Variants in ATF6 observed in about 807,000 individuals in gnomAD.
The protein encoded by ATF6 is activating transcription factor 6, also known as cyclic AMP-dependent transcription factor ATF-6 alpha.
Under a neutral mutation model 83.6 loss-of-function variants are expected in ATF6, and 53 were observed. That is an observed-to-expected ratio of 0.63 (90% CI 0.51 to 0.80). The LOEUF is 0.80. Ranked by LOEUF, ATF6 falls within the 30% of genes least tolerant of loss-of-function variation. ATF6 has a pLI of 0.00. For missense variants in ATF6, 744 were observed against 797.9 expected, an observed-to-expected ratio of 0.93 and a Z score of 0.81; for synonymous variants, 288 against 285.8, an observed-to-expected ratio of 1.01 and a Z score of -0.08.
intron 14 of ATF6, among the ~76,000 whole-genome samples, chr1:161,904,366 T>C (rs1012734021): frequency 3.9e-5 from 6 of 152,098 alleles, no homozygotes; most frequent in Non-Finnish European, 8.8e-5. Context: ...AGTGGGTGGA[T>C]CACCTGAGGT....
At chr1:161,857,006 A>G (rs941408814) in intron 12 of ATF6, among the ~76,000 whole-genome samples, 2 of 152,204 alleles carry the variant, frequency 1.3e-5, no homozygotes, top group Non-Finnish European at 2.9e-5. Context: ...GAAGGGAATG[A>G]TGGGGAAGAA....
intron 14 of ATF6, among the ~76,000 whole-genome samples, chr1:161,877,041 A>G (rs1328795594): frequency 1.3e-5 from 2 of 152,158 alleles, no homozygotes; most frequent in African/African-American, 4.8e-5. Flanking sequence ...GTATTTAGAT[A>G]GAAGTTTCAG....
At chr1:161,851,884 T>C (rs1221475940) in intron 11 of ATF6, 49 bp downstream of exon 11, 1 of 1,385,392 alleles carries the variant, frequency 7.2e-7, no homozygotes, top group Non-Finnish European at 1.0e-6. Context: ...TTCCCATGTT[T>C]AGTTTTGGAA....
At chr1:161,782,585 C>T (rs986369441) in intron 3 of ATF6, among the ~76,000 whole-genome samples, 1 of 152,134 alleles carries the variant, frequency 6.6e-6, no homozygotes, top group African/African-American at 2.4e-5. Flanking sequence ...TAAAAGGATG[C>T]CAGCTGGGAA....
chr1:161,791,321 T>C (rs1684874665), intron 4 of ATF6, 87 bp from the exon 5 acceptor site: 5 of 1,179,496 alleles, frequency 4.2e-6, no homozygotes, highest in Non-Finnish European at 5.8e-6. Flanking sequence ...GAAGTGTTTT[T>C]CTGTTTATAT....
At chr1:161,869,860 A>G (rs1361977518) in intron 14 of ATF6, among the ~76,000 whole-genome samples, 1 of 151,816 alleles carries the variant, frequency 6.6e-6, no homozygotes, top group African/African-American at 2.4e-5. Context: ...CCTCTTTCAC[A>G]TACATAATCT....
chr1:161,929,318 C>T (rs1325651502), intron 15 of ATF6, among the ~76,000 whole-genome samples: 2 of 152,126 alleles, frequency 1.3e-5, no homozygotes, highest in Non-Finnish European at 2.9e-5. Flanking sequence ...GGACATAGAC[C>T]ATAGCTTACA....
intron 9 of ATF6, among the ~76,000 whole-genome samples, chr1:161,833,099 A>G (rs1420999263): frequency 2.0e-5 from 3 of 152,160 alleles, no homozygotes; most frequent in Non-Finnish European, 2.9e-5. Context: ...CAGTTCACCA[A>G]TATCCGCTGT....
intron 14 of ATF6, among the ~76,000 whole-genome samples, chr1:161,879,149 A>C (rs188395277): frequency 2.6e-5 from 4 of 152,238 alleles, no homozygotes; most frequent in East Asian, 3.9e-4. Context: ...CTTAGGTTCC[A>C]GGAAGATAAA....
chr1:161,930,890 A>AT (rs199715828), intron 15 of ATF6, among the ~76,000 whole-genome samples: 1,642 of 146,302 alleles, frequency 0.011, 9 homozygotes, highest in South Asian at 0.018. Flanking sequence ...GGTTCGTAGA[A>AT]TTTTTTTTTT....
At chr1:161,815,723 G>T (rs1258377074) in intron 7 of ATF6, among the ~76,000 whole-genome samples, 4 of 152,108 alleles carry the variant, frequency 2.6e-5, no homozygotes, top group African/African-American at 9.7e-5. Context: ...CAGGAGGATT[G>T]TTTGAGCCCA....
chr1:161,846,650 G>A, intron 10 of ATF6, 70 bp downstream of exon 10: 1 of 1,419,192 alleles, frequency 7.0e-7, no homozygotes, highest in South Asian at 1.6e-5. Context: ...ATTATCTGTA[G>A]TATAACATTG....
At chr1:161,850,232 G>A (rs952680105) in intron 10 of ATF6, among the ~76,000 whole-genome samples, 6 of 151,932 alleles carry the variant, frequency 3.9e-5, no homozygotes, top group Non-Finnish European at 8.8e-5. Context: ...TTATGACCTG[G>A]TCTTTTATTA....
At chr1:161,799,696 A>G (rs373478467) in intron 6 of ATF6, among the ~76,000 whole-genome samples, 38 of 152,262 alleles carry the variant, frequency 2.5e-4, no homozygotes, top group African/African-American at 8.9e-4. Flanking sequence ...AATCCATGAA[A>G]TTATTTTTAG....
At chr1:161,779,061 A>G (rs1395753700) in intron 2 of ATF6, among the ~76,000 whole-genome samples, 2 of 152,204 alleles carry the variant, frequency 1.3e-5, no homozygotes, top group Non-Finnish European at 2.9e-5. Flanking sequence ...TTCTTAAACA[A>G]TGATTTAGCA....
intron 6 of ATF6, among the ~76,000 whole-genome samples, chr1:161,793,437 T>G (rs552086856): frequency 6.6e-6 from 1 of 152,358 alleles, no homozygotes; most frequent in East Asian, 1.9e-4. Flanking sequence ...AGAATAGGTA[T>G]TCTTGTGATT....
Position 161,884,625 on chromosome 1 carries a change from A to G in ATF6, c.1719+21313A>G, listed in dbSNP as rs966634419. 1.8e-4 allele frequency among the ~76,000 whole-genome samples: 27 copies of G among 152,158 alleles called. 1 individual carries two copies. Among genetic ancestry groups the G allele is most frequent in the Admixed American group, 4.6e-4 (7 of 15,270 alleles). ...CCAGCGAGATATTTACTGAATAGCC[A>G]TTACGTTCCTGGCTGTTAACACTAC... On this transcript the variant is annotated intron_variant, in intron 14 of 15. Coordinates refer to ENST00000367942, the MANE Select transcript of ATF6 (RefSeq NM_007348.4).
chr1:161,863,884 G>C (rs1156617935), intron 14 of ATF6, among the ~76,000 whole-genome samples: 1 of 152,168 alleles, frequency 6.6e-6, no homozygotes, highest in Admixed American at 6.5e-5. Flanking sequence ...TGAATGTTAT[G>C]AATGTTAGGC....
At chr1:161,875,337 A>AT (rs1687192186) in intron 14 of ATF6, among the ~76,000 whole-genome samples, 1 of 151,810 alleles carries the variant, frequency 6.6e-6, no homozygotes, top group Admixed American at 6.6e-5. Flanking sequence ...ATTAAAATCC[A>AT]TTGGTTGATC....
Sources: allele counts gnomAD v4.1 joint callset (sites outside exome capture counted in the v4.1 genomes callset), GRCh38; gene constraint gnomAD v4.1.1; transcripts MANE v1.5; gene names NCBI Gene and HGNC (gene_info 2026-07-23, HGNC 2026-07-21).